Variants in GLIS1 observed in about 807,000 individuals in gnomAD.
The protein encoded by GLIS1 is zinc finger protein GLIS1.
In GLIS1, 24 loss-of-function variants were observed where a neutral mutation model predicts 63.8. That is an observed-to-expected ratio of 0.38 (90% CI 0.27 to 0.53). The LOEUF is 0.53. GLIS1 is among the 20% of genes least tolerant of loss of function. GLIS1 has a pLI of 0.85. For missense variants in GLIS1, 1,036 were observed against 1,074.1 expected (o/e 0.96, Z 0.50); for synonymous variants, 450 against 482.5 (o/e 0.93, Z 0.88).
intron 2 of GLIS1, among the ~76,000 whole-genome samples, chr1:53,725,430 G>A (rs12091931): frequency 0.26 from 39,618 of 152,132 alleles, 5,417 homozygotes; most frequent in African/African-American, 0.35. Flanking sequence ...TCCATTCTGT[G>A]ACTCAGCAGA....
intron 2 of GLIS1, among the ~76,000 whole-genome samples, chr1:53,611,986 AC>A (rs1311120631): frequency 6.6e-6 from 1 of 152,058 alleles, no homozygotes; most frequent in East Asian, 1.9e-4. Context: ...GGCCCATACC[AC>A]CATGGCCAGC....
At chr1:53,561,428 A>G (rs1644891233) in intron 4 of GLIS1, among the ~76,000 whole-genome samples, 1 of 152,226 alleles carries the variant, frequency 6.6e-6, no homozygotes, top group Non-Finnish European at 1.5e-5. Context: ...TGTAAATCAG[A>G]CCAAAGTGTG....
At position 53,511,002 on chromosome 1, in the gene GLIS1, C is replaced by T. The variant is rs1317980883; in HGVS notation, c.1884-975G>A. On this transcript the variant is annotated intron_variant, in intron 8 of 10. Coordinates refer to ENST00000628545, the MANE Select transcript of GLIS1 (RefSeq NM_001367484.1). The surrounding 1 kb of genome is among the most constrained non-coding windows in gnomAD (Gnocchi z 4.2). The stretch of plus-strand genomic sequence containing the variant: ...CCCAGCCCAGCCCGAGGGCCCACTA[C>T]CTGGACCACAGGATGCTGCAGGCCA... Among the ~76,000 whole-genome samples the T allele has an allele frequency of 6.6e-6, 1 of 152,210 alleles. No homozygotes were observed. Among genetic ancestry groups the T allele is most frequent in the Non-Finnish European group, 1.5e-5 (1 of 68,028 alleles).
chr1:53,579,061 C>CAAA (rs55929702), intron 4 of GLIS1, among the ~76,000 whole-genome samples: 2 of 129,408 alleles, frequency 1.5e-5, no homozygotes, highest in African/African-American at 2.7e-5. Context: ...ATTTAAAATC[C>CAAA]AAAAAAAAAA....
chr1:53,540,707 C>A (rs192304515), intron 4 of GLIS1, among the ~76,000 whole-genome samples: 1 of 152,310 alleles, frequency 6.6e-6, no homozygotes. Flanking sequence ...CTGAGCTTCA[C>A]CCCGAGCTGC....
At chr1:53,724,646 G>C (rs1646787802) in intron 2 of GLIS1, among the ~76,000 whole-genome samples, 1 of 152,024 alleles carries the variant, frequency 6.6e-6, no homozygotes, top group African/African-American at 2.4e-5. Context: ...AGCCTCCCTA[G>C]TAGCTGAGAC....
At chr1:53,730,306 T>C (rs1176660379) in intron 2 of GLIS1, among the ~76,000 whole-genome samples, 2 of 152,150 alleles carry the variant, frequency 1.3e-5, no homozygotes, top group Non-Finnish European at 2.9e-5. Context: ...TGTAATTTAT[T>C]TACAGGGTTG....
intron 2 of GLIS1, among the ~76,000 whole-genome samples, chr1:53,663,598 G>C (rs564774535): frequency 4.2e-4 from 64 of 152,346 alleles, no homozygotes; most frequent in African/African-American, 1.5e-3. Context: ...CTTCACGGCT[G>C]TGTGCCACAG....
chr1:53,674,027 C>T lies in GLIS1; in HGVS notation c.259+63779G>A, dbSNP rs575321873. 7.9e-5 allele frequency among the ~76,000 whole-genome samples: 12 copies of T among 152,190 alleles called. 1 individual carries two copies. The South Asian group carries it at 2.5e-3, about 32-fold the overall frequency. ...TCTCTATGAAAAATACAAAAATTAG[C>T]TGGGCATGGGGGCACGCGCCTGTAA... On this transcript the variant is annotated intron_variant, in intron 2 of 10. Coordinates refer to ENST00000628545, the MANE Select transcript of GLIS1 (RefSeq NM_001367484.1).
chr1:53,620,661 A>G (rs1027836699), intron 2 of GLIS1, among the ~76,000 whole-genome samples: 1 of 152,224 alleles, frequency 6.6e-6, no homozygotes, highest in African/African-American at 2.4e-5. Flanking sequence ...ATTAACATGG[A>G]CATAAACAAG....
At chr1:53,632,280 G>A (rs1645662625) in intron 2 of GLIS1, among the ~76,000 whole-genome samples, 2 of 149,414 alleles carry the variant, frequency 1.3e-5, no homozygotes, top group Admixed American at 6.6e-5. Context: ...GTGAATGAGT[G>A]TGACTGAGGA....
intron 2 of GLIS1, among the ~76,000 whole-genome samples, chr1:53,660,209 C>T (rs74402211): frequency 0.042 from 6,353 of 152,266 alleles, 356 homozygotes; most frequent in African/African-American, 0.12. Context: ...GCATCCACTG[C>T]CTCATTTCCA....
rs138299122 is a variant in GLIS1, at chr1:53,679,499, G to T, written c.259+58307C>A. On this transcript the variant is annotated intron_variant, in intron 2 of 10. Coordinates refer to ENST00000628545, the MANE Select transcript of GLIS1 (RefSeq NM_001367484.1). ...GGCCAGCCCAGAGTGAGGCAGTGAA[G>T]ACTCAGAGACTCAGACCCCTGCCCA... is the stretch of plus-strand genomic sequence containing the variant. Among the ~76,000 whole-genome samples the T allele has an allele frequency of 9.8e-5, 15 of 152,328 alleles. No individual in the cohort carries two copies. The East Asian group carries it at 2.9e-3, about 29-fold the overall frequency.
chr1:53,658,261 A>G (rs1645988354), intron 2 of GLIS1, among the ~76,000 whole-genome samples: 1 of 152,088 alleles, frequency 6.6e-6, no homozygotes, highest in African/African-American at 2.4e-5. Flanking sequence ...AGCCTTCACC[A>G]TCCTATATTG....
At chr1:53,544,374 A>G (rs1231033579) in intron 4 of GLIS1, among the ~76,000 whole-genome samples, 1 of 152,296 alleles carries the variant, frequency 6.6e-6, no homozygotes, top group East Asian at 1.9e-4. Flanking sequence ...CCCCCGGGGC[A>G]CAGTGAGGCC....
At chr1:53,566,593 C>T (rs1052131352) in intron 4 of GLIS1, among the ~76,000 whole-genome samples, 1 of 152,120 alleles carries the variant, frequency 6.6e-6, no homozygotes, top group African/African-American at 2.4e-5. Context: ...AATCAAAGAA[C>T]TAAATAAATA....
chr1:53,520,559 C>T, intron 7 of GLIS1, 75 bp downstream of exon 7: 1 of 1,465,910 alleles, frequency 6.8e-7, no homozygotes, highest in South Asian at 1.4e-5. Flanking sequence ...CACTGAGCAT[C>T]ACTTGTCCTT....
intron 3 of GLIS1, among the ~76,000 whole-genome samples, chr1:53,595,804 T>A (rs1044548906): frequency 6.6e-6 from 1 of 152,244 alleles, no homozygotes; most frequent in Non-Finnish European, 1.5e-5. Flanking sequence ...CCACTGTTAA[T>A]GTCAGTGCAT....
rs974102596 is a variant in GLIS1, at chr1:53,665,323, T to C, written c.260-65045A>G. On this transcript the variant is annotated intron_variant, in intron 2 of 10. Coordinates refer to ENST00000628545, the MANE Select transcript of GLIS1 (RefSeq NM_001367484.1). ...TGGGGAAGACTGGGGGAGGTATATG[T>C]TGGGGATGCCAGGGGTTCATTTTGG... Among the ~76,000 whole-genome samples, 5 of 152,092 alleles carry C rather than the reference T, an allele frequency of 3.3e-5. No homozygotes were observed. The East Asian group carries it at 5.8e-4, about 18-fold the overall frequency.
Sources: allele counts gnomAD v4.1 joint callset (sites outside exome capture counted in the v4.1 genomes callset), GRCh38; gene constraint gnomAD v4.1.1; non-coding constraint Gnocchi (gnomAD v3.1); transcripts MANE v1.5; gene names NCBI Gene and HGNC (gene_info 2026-07-23, HGNC 2026-07-21).